The following WWOX variants were observed in gnomAD, a reference collection of about 807,000 sequenced individuals.
WWOX encodes the protein WW domain-containing oxidoreductase.
Under a neutral mutation model 46.2 loss-of-function variants are expected in WWOX, and 69 were observed. The observed-to-expected ratio is 1.49, with a 90% CI of 1.23 to 1.82. WWOX has a LOEUF of 1.82. WWOX is among the 40% of genes most tolerant of loss of function. The pLI is 0.00. For synonymous variants in WWOX, 359 were observed against 202.6 expected, an observed-to-expected ratio of 1.77 and a Z score of -6.56; for missense variants, 919 against 542.6, an observed-to-expected ratio of 1.69 and a Z score of -6.89.
At chr16:78,597,173 T>G (rs1232641107) in intron 8 of WWOX, among the ~76,000 whole-genome samples, 1 of 152,200 alleles carries the variant, frequency 6.6e-6, no homozygotes, top group Non-Finnish European at 1.5e-5. Flanking sequence ...GAAAACAGCT[T>G]AGCAAGCATT....
At chr16:78,918,963 G>A (rs2045314390) in intron 8 of WWOX, among the ~76,000 whole-genome samples, 2 of 152,076 alleles carry the variant, frequency 1.3e-5, no homozygotes, top group Admixed American at 1.3e-4. Flanking sequence ...TTTCTGATTG[G>A]ACCCAGGGCA....
intron 8 of WWOX, among the ~76,000 whole-genome samples, chr16:79,015,241 G>A (rs552796889): frequency 1.4e-4 from 22 of 152,204 alleles, no homozygotes; most frequent in African/African-American, 4.8e-4. Context: ...TGATTTCCTG[G>A]GCCTAGCTAA....
At chr16:79,027,986 C>G (rs1348445196) in intron 8 of WWOX, among the ~76,000 whole-genome samples, 1 of 151,752 alleles carries the variant, frequency 6.6e-6, no homozygotes, top group Non-Finnish European at 1.5e-5. Context: ...GAGTGTCGCT[C>G]TGTCGCCTAG....
intron 8 of WWOX, among the ~76,000 whole-genome samples, chr16:79,162,827 C>T (rs1014573292): frequency 6.6e-6 from 1 of 152,112 alleles, no homozygotes; most frequent in Non-Finnish European, 1.5e-5. Flanking sequence ...CCTTCCCCAA[C>T]CTTCTGCAAA....
Position 79,058,315 on chromosome 16 carries a change from C to A in WWOX, c.1057-153293C>A, listed in dbSNP as rs145934268. ...AGAGAGAAAAAAATAATTCCTAGAT[C>A]TAGAGTTGGTGTGAGGCTAAAATAA... On this transcript the variant is annotated intron_variant, in intron 8 of 8. Transcript: ENST00000566780. 3.7e-3 allele frequency among the ~76,000 whole-genome samples: 557 copies of A among 152,186 alleles called. 1 individual carries two copies. Among genetic ancestry groups the A allele is most frequent in the Non-Finnish European group, 6.1e-3 (414 of 68,022 alleles).
At chr16:79,137,625 T>A (rs1391667741) in intron 8 of WWOX, among the ~76,000 whole-genome samples, 1 of 152,134 alleles carries the variant, frequency 6.6e-6, no homozygotes, top group South Asian at 2.1e-4. Flanking sequence ...CCTGCCATCA[T>A]GGAAAAAAAG....
chr16:79,088,611 C>T (rs1468650929), intron 8 of WWOX, among the ~76,000 whole-genome samples: 5 of 152,180 alleles, frequency 3.3e-5, no homozygotes, highest in African/African-American at 7.2e-5. Flanking sequence ...TAGACTCACT[C>T]CATGGAGACC....
chr16:78,761,457 C>T (rs1053079231), intron 8 of WWOX, among the ~76,000 whole-genome samples: 1 of 152,154 alleles, frequency 6.6e-6, no homozygotes, highest in African/African-American at 2.4e-5. Context: ...TCACCATTGT[C>T]ACCGGGGAGA....
rs568501075 is a variant in WWOX at position 79,166,622 on chromosome 16, C to G, written c.1057-44986C>G. On this transcript the variant is annotated intron_variant, in intron 8 of 8. Transcript: ENST00000566780. ...TTTTTCGAGTTGTGCTGGTTAACTG[C>G]AATCCAAGTTTAGGAAGCAAACTAC... Among the ~76,000 whole-genome samples the G allele has an allele frequency of 1.4e-3, 207 of 152,248 alleles. 1 individual carries two copies. The highest frequency in any genetic ancestry group is 4.2e-3 in the African/African-American group (176 of 41,540).
At chr16:78,505,202 C>G (rs1378368674) in intron 8 of WWOX, among the ~76,000 whole-genome samples, 1 of 152,176 alleles carries the variant, frequency 6.6e-6, no homozygotes, top group Non-Finnish European at 1.5e-5. Flanking sequence ...TGGCCCATCC[C>G]AAATGAATTC....
At chr16:78,980,434 A>C (rs1348193341) in intron 8 of WWOX, among the ~76,000 whole-genome samples, 1 of 152,240 alleles carries the variant, frequency 6.6e-6, no homozygotes, top group African/African-American at 2.4e-5. Flanking sequence ...ATACCACTTG[A>C]ATTGACAACA....
chr16:78,251,777 A>T (rs540721075), intron 5 of WWOX, among the ~76,000 whole-genome samples: 10 of 152,310 alleles, frequency 6.6e-5, no homozygotes, highest in African/African-American at 2.4e-4. Flanking sequence ...TCGTTAAAGG[A>T]TTAGTCAGCC....
chr16:78,906,916 C>T (rs925639794), intron 8 of WWOX, among the ~76,000 whole-genome samples: 19 of 152,150 alleles, frequency 1.2e-4, no homozygotes, highest in African/African-American at 4.1e-4. Context: ...TGAATAAACA[C>T]GGAAATAATT....
At chr16:78,475,610 C>T (rs529855008) in intron 8 of WWOX, among the ~76,000 whole-genome samples, 92 of 152,138 alleles carry the variant, frequency 6.0e-4, no homozygotes, top group African/African-American at 2.2e-3. Context: ...TATTTTAGTT[C>T]ATTTCATTTA....
chr16:78,442,625 G>A (rs532542684), intron 8 of WWOX, among the ~76,000 whole-genome samples: 2 of 152,140 alleles, frequency 1.3e-5, no homozygotes, highest in South Asian at 2.1e-4. Flanking sequence ...ACCCATTCTC[G>A]TAATGATGGC....
chr16:78,186,628 G>T (rs1417754497), intron 5 of WWOX, among the ~76,000 whole-genome samples: 1 of 152,112 alleles, frequency 6.6e-6, no homozygotes, highest in African/African-American at 2.4e-5. Context: ...AGCCGGGCGT[G>T]GTGGCACGTG....
At chr16:78,753,163 G>C (rs890238029) in intron 8 of WWOX, among the ~76,000 whole-genome samples, 2 of 152,096 alleles carry the variant, frequency 1.3e-5, no homozygotes, top group African/African-American at 2.4e-5. Flanking sequence ...AGCCGGGCGT[G>C]GGGGCAGGCG....
At chr16:78,952,909 A>T (rs891184690) in intron 8 of WWOX, among the ~76,000 whole-genome samples, 3 of 152,226 alleles carry the variant, frequency 2.0e-5, no homozygotes, top group African/African-American at 7.2e-5. Context: ...AACAGGAATC[A>T]AAGGGAAACC....
intron 8 of WWOX, among the ~76,000 whole-genome samples, chr16:79,018,669 A>C (rs545730676): frequency 6.6e-6 from 1 of 152,126 alleles, no homozygotes; most frequent in Non-Finnish European, 1.5e-5. Flanking sequence ...GCTCACCCCA[A>C]TCAATGTGGG....
Sources: allele counts gnomAD v4.1 joint callset (sites outside exome capture counted in the v4.1 genomes callset), GRCh38; gene constraint gnomAD v4.1.1; transcripts MANE v1.5; gene names NCBI Gene and HGNC (gene_info 2026-07-23, HGNC 2026-07-21).